Variants in ZSWIM6 observed in about 807,000 individuals in gnomAD.
ZSWIM6 encodes zinc finger SWIM-type containing 6.
In ZSWIM6, 9 loss-of-function variants were observed where a neutral mutation model predicts 113.2. The observed-to-expected ratio is 0.08, with a 90% CI of 0.05 to 0.14. The LOEUF (loss-of-function observed/expected upper bound fraction) is 0.14. ZSWIM6 is among the 10% of genes least tolerant of loss of function. The probability of loss-of-function intolerance (pLI) is 1.00; values close to 1 mark genes in which losing one functional copy is unlikely to be tolerated. For synonymous variants in ZSWIM6, 611 were observed against 606.5 expected, an observed-to-expected ratio of 1.01 and a Z score of -0.11; for missense variants, 1,162 against 1,552.2, an observed-to-expected ratio of 0.75 and a Z score of 4.22.
intron 7 of ZSWIM6, among the ~76,000 whole-genome samples, chr5:61,528,817 A>G (rs1749354444): frequency 6.6e-6 from 1 of 152,094 alleles, no homozygotes; most frequent in Non-Finnish European, 1.5e-5. Context: ...CGAACTCCTG[A>G]CCTCGGGTGA....
intron 1 of ZSWIM6, among the ~76,000 whole-genome samples, chr5:61,361,008 G>T (rs868768159): frequency 6.6e-6 from 1 of 152,052 alleles, no homozygotes; most frequent in Non-Finnish European, 1.5e-5. Flanking sequence ...AAATCAGGAC[G>T]AATAAAAAGA....
chr5:61,469,675 G>C (rs1580011945), intron 1 of ZSWIM6, among the ~76,000 whole-genome samples: 1 of 151,934 alleles, frequency 6.6e-6, no homozygotes, highest in African/African-American at 2.4e-5. Context: ...CCATTTGAGG[G>C]CTTCACCAGT....
At chr5:61,478,934 G>A (rs1747781407) in intron 2 of ZSWIM6, among the ~76,000 whole-genome samples, 1 of 152,126 alleles carries the variant, frequency 6.6e-6, no homozygotes, top group South Asian at 2.1e-4. Flanking sequence ...ACTTTGGGAG[G>A]CCAAGGTGAG....
chr5:61,517,059 T>C (rs1748966681), intron 4 of ZSWIM6, among the ~76,000 whole-genome samples: 1 of 152,162 alleles, frequency 6.6e-6, no homozygotes, highest in South Asian at 2.1e-4. Context: ...TTTTCTCTGT[T>C]TTCAAGATTT....
intron 1 of ZSWIM6, among the ~76,000 whole-genome samples, chr5:61,407,742 G>A (rs1031113068): frequency 5.9e-5 from 9 of 152,106 alleles, no homozygotes; most frequent in Admixed American, 2.6e-4. Flanking sequence ...GCCCAACTTC[G>A]TTCATAATAT....
chr5:61,379,387 T>C (rs2112078486), intron 1 of ZSWIM6, among the ~76,000 whole-genome samples: 1 of 152,234 alleles, frequency 6.6e-6, no homozygotes, highest in South Asian at 2.1e-4. Context: ...TTGCCTCTCT[T>C]TTCCTTTAAA....
intron 1 of ZSWIM6, among the ~76,000 whole-genome samples, chr5:61,448,225 C>G (rs1747007938): frequency 6.6e-6 from 1 of 152,156 alleles, no homozygotes. Flanking sequence ...ATCATAGCCT[C>G]TCTGAGTTTC....
intron 1 of ZSWIM6, among the ~76,000 whole-genome samples, chr5:61,373,823 A>G (rs757477235): frequency 1.3e-5 from 2 of 152,106 alleles, no homozygotes; most frequent in Non-Finnish European, 1.5e-5. Flanking sequence ...TTTTTTTGAT[A>G]TCTAAGATTT....
intron 1 of ZSWIM6, among the ~76,000 whole-genome samples, chr5:61,459,274 CA>C (rs1239129021): frequency 2.6e-5 from 4 of 152,074 alleles, no homozygotes; most frequent in Non-Finnish European, 5.9e-5. Context: ...ATCCCTGGGC[CA>C]GTAGCTGATT....
intron 1 of ZSWIM6, among the ~76,000 whole-genome samples, chr5:61,465,974 A>G (rs1477963091): frequency 2.0e-5 from 3 of 152,242 alleles, no homozygotes; most frequent in Admixed American, 6.5e-5. Context: ...TTAATTAGCC[A>G]GCTCACAGGA....
chr5:61,458,784 A>G (rs1747263694), intron 1 of ZSWIM6, among the ~76,000 whole-genome samples: 1 of 151,854 alleles, frequency 6.6e-6, no homozygotes. Flanking sequence ...AGGCTGAGGC[A>G]GGAGAATCAC....
At chr5:61,441,826 T>A (rs1746840499) in intron 1 of ZSWIM6, among the ~76,000 whole-genome samples, 1 of 152,096 alleles carries the variant, frequency 6.6e-6, no homozygotes, top group South Asian at 2.1e-4. Flanking sequence ...TATAGCAGAG[T>A]CCGATGAACT....
At position 61,472,976 on chromosome 5, in the gene ZSWIM6, A is replaced by G; in HGVS notation, c.972A>G (p.Pro324=). Residue 324 remains proline, a synonymous_variant, in exon 2 of 14, where the codon CCA becomes CCG. Transcript: ENST00000252744. This position sits in a 1 kb window ranked among gnomAD's most constrained non-coding sequence, Gnocchi z 4.1. ...CAGTGCACCACACAGAAGTTTTGCC[A>G]ACTGCTCAAAAATTAGCAGATGAAA... ...LITVHHTEVL[P]TAQKLADEIL... 1 of 1,544,498 alleles carries G rather than the reference A, an allele frequency of 6.5e-7. No individual in the cohort carries two copies. The highest frequency in any genetic ancestry group is 1.7e-4 in the Middle Eastern group (1 of 5,964).
intron 4 of ZSWIM6, among the ~76,000 whole-genome samples, chr5:61,515,249 C>T (rs1443814453): frequency 1.3e-5 from 2 of 152,122 alleles, no homozygotes; most frequent in Non-Finnish European, 2.9e-5. Flanking sequence ...CTGTCTCAGC[C>T]TCCAAAGTAG....
At position 61,543,559 on chromosome 5, in the gene ZSWIM6, G is replaced by T; in HGVS notation, c.2890G>T (p.Val964Phe). 1.9e-6 allele frequency: 3 copies of T among 1,551,526 alleles called. No individual in the cohort carries two copies. The highest frequency in any genetic ancestry group is 1.7e-6 in the Non-Finnish European group (2 of 1,146,986). The stretch of plus-strand genomic sequence containing the variant: ...TACCGTGATGTCCAACAGCACCATC[G>T]TCCGCCTCCACCTGGACTGCCACCA... Reference protein sequence around the residue: ...ATTVMSNSTIVRLHLDCHQQE... With the variant: ...ATTVMSNSTIFRLHLDCHQQE... Residue 964 changes from valine to phenylalanine, a missense_variant, in exon 14 of 14, where the codon GTC becomes TTC. Coordinates refer to ENST00000252744, the MANE Select transcript of ZSWIM6 (RefSeq NM_020928.2). The surrounding 1 kb of genome is among the most constrained non-coding windows in gnomAD (Gnocchi z 4.3).
intron 1 of ZSWIM6, among the ~76,000 whole-genome samples, chr5:61,468,022 A>G (rs1747476210): frequency 6.6e-6 from 1 of 152,206 alleles, no homozygotes; most frequent in Non-Finnish European, 1.5e-5. Flanking sequence ...GAAGGGAAGG[A>G]AAGGGAAATA....
At chr5:61,336,796 A>G (rs1304764186) in intron 1 of ZSWIM6, among the ~76,000 whole-genome samples, 1 of 152,214 alleles carries the variant, frequency 6.6e-6, no homozygotes, top group Non-Finnish European at 1.5e-5. Flanking sequence ...TAGGGCTGAA[A>G]ACACTACAAA....
chr5:61,455,347 A>T (rs1293434531), intron 1 of ZSWIM6, among the ~76,000 whole-genome samples: 1 of 152,152 alleles, frequency 6.6e-6, no homozygotes, highest in African/African-American at 2.4e-5. Flanking sequence ...GAACAATGAA[A>T]CAAGGACAAA....
intron 4 of ZSWIM6, among the ~76,000 whole-genome samples, chr5:61,506,199 C>G (rs779380338): frequency 6.6e-6 from 1 of 152,076 alleles, no homozygotes; most frequent in Non-Finnish European, 1.5e-5. Context: ...GCTGTATTCC[C>G]GAGGTTTTAT....
Sources: allele counts gnomAD v4.1 joint callset (sites outside exome capture counted in the v4.1 genomes callset), GRCh38; gene constraint gnomAD v4.1.1; non-coding constraint Gnocchi (gnomAD v3.1); transcripts MANE v1.5; gene names NCBI Gene and HGNC (gene_info 2026-07-23, HGNC 2026-07-21).